Variants in DAGLA observed in about 807,000 individuals in gnomAD.
The protein encoded by DAGLA is diacylglycerol lipase-alpha.
DAGLA carries 22 observed loss-of-function variants against 102.6 expected under a neutral mutation model. That is an observed-to-expected ratio of 0.21 (90% confidence interval 0.15 to 0.31). The LOEUF (loss-of-function observed/expected upper bound fraction) is 0.31. DAGLA is among the 10% of genes least tolerant of loss of function. The pLI is 1.00. For missense variants in DAGLA, 927 were observed against 1,446.6 expected (o/e 0.64, Z 5.83); for synonymous variants, 578 against 628.9 (o/e 0.92, Z 1.21).
intron 1 of DAGLA, among the ~76,000 whole-genome samples, chr11:61,681,150 C>T (rs1022135506): frequency 6.6e-6 from 1 of 152,162 alleles, no homozygotes; most frequent in Non-Finnish European, 1.5e-5. Flanking sequence ...AAATGCCCAT[C>T]CTTCCTCACG....
intron 1 of DAGLA, among the ~76,000 whole-genome samples, chr11:61,718,440 G>C (rs1245272003): frequency 6.6e-6 from 1 of 152,136 alleles, no homozygotes; most frequent in Non-Finnish European, 1.5e-5. Context: ...AATACCAGCT[G>C]TTGGCAGCTC....
intron 19 of DAGLA, among the ~76,000 whole-genome samples, chr11:61,742,224 G>T (rs1275899491): frequency 6.6e-6 from 1 of 152,190 alleles, no homozygotes; most frequent in South Asian, 2.1e-4. Context: ...ACAGAGGCGT[G>T]CACACATGCT....
Position 61,697,658 on chromosome 11 carries a change from A to G in DAGLA, c.-45+17154A>G, listed in dbSNP as rs563447473. 1.1e-4 allele frequency among the ~76,000 whole-genome samples: 16 copies of G among 151,968 alleles called. No individual in the cohort carries two copies. The South Asian group carries it at 1.9e-3, about 18-fold the overall frequency. ...CTCAGAGGTTCCTTCCCACTCAGAT[A>G]TTCTCCTGTTTTTTTTTATTTTTAT... On this transcript the variant is annotated intron_variant, in intron 1 of 19. Transcript: ENST00000257215.
intron 1 of DAGLA, among the ~76,000 whole-genome samples, chr11:61,693,354 C>CTT (rs888547144): frequency 2.1e-5 from 3 of 139,942 alleles, no homozygotes; most frequent in African/African-American, 5.2e-5. Flanking sequence ...CTTTTTCTTT[C>CTT]TTTTTTTTTT....
rs759345066 is a variant in DAGLA at position 61,744,048 on chromosome 11, G to A, written c.2688G>A (p.Ala896=). The part of the protein sequence containing the change: ...GGGPASRGEL[A]LHNGRLGDSP... ...GGCCGGCCTCCCGCGGGGAGCTGGC[G>A]CTGCACAATGGGCGCCTGGGGGACT... Residue 896 remains alanine (A), a synonymous_variant, in exon 20 of 20, where the codon GCG becomes GCA. Coordinates refer to ENST00000257215, the MANE Select transcript of DAGLA (RefSeq NM_006133.3). 1.6e-5 allele frequency: 26 copies of A among 1,612,530 alleles called. No homozygotes were observed. Among genetic ancestry groups the A allele is most frequent in the Admixed American group, 1.7e-5 (1 of 59,998 alleles).
intron 4 of DAGLA, 84 bp downstream of exon 4, chr11:61,723,044 G>A: frequency 8.4e-7 from 1 of 1,187,550 alleles, no homozygotes; most frequent in South Asian, 1.3e-5. Flanking sequence ...AGAAGCTTGG[G>A]CATTGCCAGA....
chr11:61,712,012 T>C (rs2065198170), intron 1 of DAGLA, among the ~76,000 whole-genome samples: 1 of 152,242 alleles, frequency 6.6e-6, no homozygotes, highest in African/African-American at 2.4e-5. Context: ...AGTTTGTTTT[T>C]AAATAAACAC....
chr11:61,744,035 G>C lies in DAGLA; in HGVS notation c.2675G>C (p.Arg892Pro). ...GGTGGGGGTGGCGGGCCGGCCTCCC[G>C]CGGGGAGCTGGCGCTGCACAATGGG... ...VGGGGGGPAS[R>P]GELALHNGRL... The change falls in exon 20 of 20, where the codon CGC becomes CCC. Residue 892 changes from arginine (R) to proline (P), a missense_variant. By Grantham distance (103) the Arg-to-Pro change is moderately radical. Around this residue, in one of 4 missense-constraint regions of DAGLA, gnomAD observed 434 missense variants for 503.3 expected, o/e 0.86. Transcript: ENST00000257215. 1.2e-6 allele frequency: 2 copies of C among 1,612,388 alleles called. No homozygotes were observed. The highest frequency in any genetic ancestry group is 1.7e-6 in the Non-Finnish European group (2 of 1,179,788).
intron 1 of DAGLA, among the ~76,000 whole-genome samples, chr11:61,704,785 C>T (rs1256947938): frequency 6.6e-6 from 1 of 152,198 alleles, no homozygotes; most frequent in African/African-American, 2.4e-5. Flanking sequence ...TTCCATTCCC[C>T]TCCTGTAGTA....
At chr11:61,682,827 G>A (rs375857220) in intron 1 of DAGLA, among the ~76,000 whole-genome samples, 1 of 150,996 alleles carries the variant, frequency 6.6e-6, no homozygotes, top group African/African-American at 2.4e-5. Flanking sequence ...TTCTGCGGGA[G>A]GTTGAGGCTG....
Position 61,744,061 on chromosome 11 carries a change from C to T in DAGLA, c.2701C>T (p.Arg901Cys), listed in dbSNP as rs199894403. Reference sequence around the variant, plus strand: ...CGGGGAGCTGGCGCTGCACAATGGGCGCCTGGGGGACTCGCCCAGTCCTCA... The same window carrying T: ...CGGGGAGCTGGCGCTGCACAATGGGTGCCTGGGGGACTCGCCCAGTCCTCA... Reference protein sequence around the residue: ...SRGELALHNGRLGDSPSPQVL... With the variant: ...SRGELALHNGCLGDSPSPQVL... Residue 901 changes from arginine to cysteine, a missense_variant, in exon 20 of 20, where the codon CGC becomes TGC. Around this residue, in one of 4 missense-constraint regions of DAGLA, gnomAD observed 434 missense variants for 503.3 expected, o/e 0.86. Coordinates refer to ENST00000257215, the MANE Select transcript of DAGLA (RefSeq NM_006133.3). 1.6e-4 allele frequency: 261 copies of T among 1,612,650 alleles called. No individual in the cohort carries two copies. Among genetic ancestry groups the T allele is most frequent in the Non-Finnish European group, 2.0e-4 (233 of 1,179,954 alleles).
At chr11:61,690,926 C>T (rs925040628) in intron 1 of DAGLA, among the ~76,000 whole-genome samples, 8 of 152,218 alleles carry the variant, frequency 5.3e-5, no homozygotes, top group African/African-American at 1.9e-4. Flanking sequence ...GTTGTCCAAC[C>T]GACCTTCACC....
intron 16 of DAGLA, among the ~76,000 whole-genome samples, chr11:61,738,777 G>T (rs1034909284): frequency 1.6e-4 from 25 of 152,168 alleles, no homozygotes; most frequent in African/African-American, 5.3e-4. Context: ...ACTGAGGCAG[G>T]CCAGCGCAGG....
At chr11:61,715,578 G>C (rs1270557965) in intron 1 of DAGLA, among the ~76,000 whole-genome samples, 1 of 152,228 alleles carries the variant, frequency 6.6e-6, no homozygotes, top group East Asian at 1.9e-4. Flanking sequence ...CTTAGGACGA[G>C]GGGGCGAGGC....
chr11:61,698,302 C>T (rs764765865), intron 1 of DAGLA, among the ~76,000 whole-genome samples: 22 of 152,184 alleles, frequency 1.4e-4, no homozygotes, highest in Admixed American at 7.8e-4. Context: ...TGCAGAGGGG[C>T]GGCCCAGCTC....
Position 61,740,484 on chromosome 11 carries a change from C to T in DAGLA, c.1875C>T (p.Pro625=), listed in dbSNP as rs1264979143. The T allele has an allele frequency of 5.6e-6, 9 of 1,613,650 alleles. No individual in the cohort carries two copies. The Admixed American group carries it at 1.3e-4, about 24-fold the overall frequency. The change falls in exon 18 of 20, where the codon CCC becomes CCT. Residue 625 remains proline (P), a synonymous_variant. Coordinates refer to ENST00000257215, the MANE Select transcript of DAGLA (RefSeq NM_006133.3). ...TCAGCTGCTGTGAGCAGGAGGAGCC[C>T]ACATACTTTGCCATCTGGGGCGACA... is the stretch of plus-strand genomic sequence containing the variant. ...EQCCCCEQEE[P]TYFAIWGDNK...
At chr11:61,705,228 T>C (rs531224665) in intron 1 of DAGLA, among the ~76,000 whole-genome samples, 2 of 152,256 alleles carry the variant, frequency 1.3e-5, no homozygotes, top group Non-Finnish European at 2.9e-5. Flanking sequence ...ACAGCGCCAG[T>C]GTTACAGCGA....
At chr11:61,718,297 G>C (rs57295447) in intron 1 of DAGLA, among the ~76,000 whole-genome samples, 1 of 151,790 alleles carries the variant, frequency 6.6e-6, no homozygotes, top group South Asian at 2.1e-4. Context: ...TGCCCCCCCA[G>C]CCTCTAGATT....
At chr11:61,701,188 C>T (rs1042485328) in intron 1 of DAGLA, among the ~76,000 whole-genome samples, 3 of 152,218 alleles carry the variant, frequency 2.0e-5, no homozygotes, top group African/African-American at 7.2e-5. Context: ...AATAAAGAAG[C>T]GTGCTAATAC....
Sources: gnomAD v4.1 joint callset for allele counts (sites outside exome capture counted in the v4.1 genomes callset) on GRCh38, gnomAD v4.1.1 for gene constraint, gnomAD v4.1.1 regional missense constraint, MANE v1.5 for transcripts, NCBI Gene and HGNC (gene_info 2026-07-23, HGNC 2026-07-21) for gene names.